EPB41L5: variants seen among roughly 807,000 people sequenced by gnomAD.
EPB41L5 encodes band 4.1-like protein 5.
EPB41L5 carries 55 observed loss-of-function variants against 106.6 expected under a neutral mutation model. That is an observed-to-expected ratio of 0.52 (90% CI 0.42 to 0.65). The LOEUF is 0.65. EPB41L5 is among the 30% of genes least tolerant of loss of function. The pLI, the probability that EPB41L5 is intolerant of heterozygous loss-of-function variation, is 0.00. For missense variants in EPB41L5, 871 were observed against 882.1 expected (o/e 0.99, Z 0.16); for synonymous variants, 297 against 306.7 (o/e 0.97, Z 0.33).
chr2:120,021,006 A>G (rs1044230989), intron 2 of EPB41L5, among the ~76,000 whole-genome samples: 1 of 152,176 alleles, frequency 6.6e-6, no homozygotes, highest in African/African-American at 2.4e-5. Context: ...GGACAATTGT[A>G]GTGAAACAGC....
intron 2 of EPB41L5, among the ~76,000 whole-genome samples, chr2:120,021,960 C>T (rs538435369): frequency 4.6e-5 from 7 of 152,228 alleles, no homozygotes; most frequent in Admixed American, 3.3e-4. Context: ...AGTTAGCCGT[C>T]TTCTTCCTTT....
intron 4 of EPB41L5, among the ~76,000 whole-genome samples, chr2:120,073,789 T>C (rs1682044556): frequency 1.3e-5 from 2 of 152,162 alleles, no homozygotes; most frequent in Non-Finnish European, 2.9e-5. Flanking sequence ...GTTAATAACA[T>C]AGGCATTCTT....
At chr2:120,020,818 A>G (rs1677869889) in intron 2 of EPB41L5, among the ~76,000 whole-genome samples, 1 of 22,970 alleles carries the variant, frequency 4.4e-5, no homozygotes, top group Admixed American at 7.6e-4. Context: ...GAATTTGTAA[A>G]AAAAAAAAAA....
intron 1 of EPB41L5, among the ~76,000 whole-genome samples, chr2:120,015,869 G>A (rs1677481335): frequency 6.7e-6 from 1 of 149,764 alleles, no homozygotes. Flanking sequence ...GTAGATGAAG[G>A]CCGCAGTGAG....
chr2:120,175,394 C>A lies in EPB41L5; in HGVS notation c.*487C>A. On this transcript the variant is annotated 3_prime_UTR_variant, in exon 25 of 25. Transcript: ENST00000263713. ...AGAATTTAGGAAATTAATGTGGACACTATAAAGGCAGACTTAGGGCCAACT... is the reference window on the plus strand; with the variant it reads ...AGAATTTAGGAAATTAATGTGGACAATATAAAGGCAGACTTAGGGCCAACT... The A allele has an allele frequency of 6.5e-6, 1 of 153,936 alleles. No individual in the cohort carries two copies. The highest frequency in any genetic ancestry group is 6.2e-5 in the Admixed American group (1 of 16,006). The allele number at this position is 153,936 out of a possible 1,614,324, so 9.5% of individuals were successfully genotyped here.
chr2:120,068,113 G>C (rs1040792221), intron 3 of EPB41L5, among the ~76,000 whole-genome samples: 5 of 152,290 alleles, frequency 3.3e-5, no homozygotes, highest in African/African-American at 1.2e-4. Context: ...TAGACAATGG[G>C]TGCAGCTCAT....
intron 20 of EPB41L5, among the ~76,000 whole-genome samples, chr2:120,148,396 C>T (rs1223970600): frequency 2.0e-5 from 3 of 151,968 alleles, no homozygotes; most frequent in Non-Finnish European, 4.4e-5. Flanking sequence ...CTCATATATA[C>T]TCATCCTCAT....
At chr2:120,024,306 C>T (rs1220692056) in intron 2 of EPB41L5, among the ~76,000 whole-genome samples, 2 of 152,148 alleles carry the variant, frequency 1.3e-5, no homozygotes, top group African/African-American at 4.8e-5. Flanking sequence ...ATGATATTGG[C>T]TGTGGGTTTG....
rs1687925220 is a variant in EPB41L5 at position 120,176,554 on chromosome 2, C to T, written c.*1647C>T. ...CAAAACATTTTTGCAGAAGGAAAGT[C>T]AACACTTCTTGCTGGCTGCCTCCCC... On this transcript the variant is annotated 3_prime_UTR_variant, in exon 25 of 25. Transcript: ENST00000263713. 1 of 152,210 alleles carries T rather than the reference C, an allele frequency of 6.6e-6. No individual in the cohort carries two copies. The highest frequency in any genetic ancestry group is 1.5e-5 in the Non-Finnish European group (1 of 68,048). The allele number at this position is 152,210 out of a possible 1,614,324, so 9.4% of individuals were successfully genotyped here. A position where few individuals can be genotyped will look rare whatever the true frequency, so the allele number is the denominator to read the frequency against.
At chr2:120,041,894 A>C in intron 2 of EPB41L5, 112 bp from the exon 3 acceptor site, 1 of 641,302 alleles carries the variant, frequency 1.6e-6, no homozygotes, top group Non-Finnish European at 2.6e-6. Context: ...TACTTTTGGT[A>C]TTGCAAGTCC....
At chr2:120,110,296 T>C (rs943871475) in intron 16 of EPB41L5, among the ~76,000 whole-genome samples, 1 of 152,228 alleles carries the variant, frequency 6.6e-6, no homozygotes, top group Non-Finnish European at 1.5e-5. Context: ...TAACAAGCCA[T>C]TGTTTTTAAT....
At chr2:120,171,320 C>T (rs768070652) in intron 24 of EPB41L5, among the ~76,000 whole-genome samples, 1 of 152,222 alleles carries the variant, frequency 6.6e-6, no homozygotes, top group Non-Finnish European at 1.5e-5. Flanking sequence ...GTACCAGATA[C>T]TTGTGAAGAT....
intron 14 of EPB41L5, among the ~76,000 whole-genome samples, chr2:120,096,313 A>G (rs1254739008): frequency 6.6e-6 from 1 of 152,096 alleles, no homozygotes; most frequent in Non-Finnish European, 1.5e-5. Flanking sequence ...ACTCCCCTCA[A>G]GTTTCTTTAG....
intron 2 of EPB41L5, among the ~76,000 whole-genome samples, chr2:120,038,172 CTCAGCAACAACAACCA>C (rs1440185021): frequency 1.3e-5 from 2 of 152,162 alleles, no homozygotes; most frequent in African/African-American, 4.8e-5. Context: ...ACTCCTACAA[CTCAGCAACAACAACCA>C]AAAGCCAATT....
intron 15 of EPB41L5, 118 bp downstream of exon 15, chr2:120,100,404 C>CT (rs1455234839): frequency 1.0e-6 from 1 of 957,778 alleles, no homozygotes; most frequent in Non-Finnish European, 1.6e-6. Context: ...TGTGCATTTT[C>CT]TTTTCCTTTT....
chr2:120,086,684 TG>T (rs2105355413), intron 10 of EPB41L5, among the ~76,000 whole-genome samples: 1 of 152,286 alleles, frequency 6.6e-6, no homozygotes, highest in South Asian at 2.1e-4. Flanking sequence ...ACGGCTGCAG[TG>T]AGCTGTGAAC....
intron 16 of EPB41L5, among the ~76,000 whole-genome samples, chr2:120,123,249 G>A (rs564704692): frequency 6.6e-6 from 1 of 152,168 alleles, no homozygotes; most frequent in East Asian, 1.9e-4. Context: ...GTTTCAAGTA[G>A]TGCATCTGAC....
chr2:120,097,207 CTAAGCTTTTAGAA>C (rs1356374586), intron 14 of EPB41L5, among the ~76,000 whole-genome samples: 6 of 151,914 alleles, frequency 3.9e-5, no homozygotes. Flanking sequence ...TTTTTTTAGA[CTAAGCTTTTAGAA>C]ATGAGATGTA....
At chr2:120,052,116 C>T (rs1298754141) in intron 3 of EPB41L5, among the ~76,000 whole-genome samples, 1 of 152,200 alleles carries the variant, frequency 6.6e-6, no homozygotes, top group African/African-American at 2.4e-5. Context: ...TGAGCCACTG[C>T]ACCTGGCCAT....
Sources: gnomAD v4.1 joint callset for allele counts (sites outside exome capture counted in the v4.1 genomes callset) on GRCh38, gnomAD v4.1.1 for gene constraint, MANE v1.5 for transcripts, NCBI Gene and HGNC (gene_info 2026-07-23, HGNC 2026-07-21) for gene names.